Variants in IRAK1BP1 observed in about 807,000 individuals in gnomAD.
The protein encoded by IRAK1BP1 is interleukin-1 receptor-associated kinase 1-binding protein 1.
In IRAK1BP1, 24 loss-of-function variants were observed where a neutral mutation model predicts 28.0. The observed-to-expected ratio is 0.86, with a 90% CI of 0.62 to 1.20. The LOEUF is 1.20. Ranked by LOEUF, IRAK1BP1 falls within the 50% of genes most tolerant of loss-of-function variation. The pLI, the probability that IRAK1BP1 is intolerant of heterozygous loss-of-function variation, is 0.00. For synonymous variants in IRAK1BP1, 131 were observed against 116.3 expected (o/e 1.13, Z -0.81); for missense variants, 336 against 316.7 (o/e 1.06, Z -0.46).
At chr6:78,906,351 T>G (rs1772260165), downstream of IRAK1BP1, among the ~76,000 whole-genome samples, 2 of 152,184 alleles carry the variant, frequency 1.3e-5, no homozygotes, top group African/African-American at 4.8e-5. Flanking sequence ...GCTTCACTTT[T>G]CATGAGATAA....
downstream of IRAK1BP1, chr6:78,903,206 G>C (rs1772165530): frequency 1.6e-6 from 1 of 628,522 alleles, no homozygotes. Flanking sequence ...TAGGAGGCCA[G>C]GCATGGTGGC....
At chr6:78,976,093 C>A in the IRAK1BP1 span, among the ~76,000 whole-genome samples, 1 of 151,082 alleles carries the variant, frequency 6.6e-6, no homozygotes, top group Non-Finnish European at 1.5e-5. Flanking sequence ...AAGAACAAAG[C>A]TGGAGGCATC....
intron 1 of IRAK1BP1, among the ~76,000 whole-genome samples, chr6:78,876,469 A>C (rs1771007340): frequency 6.6e-6 from 1 of 152,210 alleles, no homozygotes; most frequent in South Asian, 2.1e-4. Flanking sequence ...TTTAGAAATA[A>C]ACAGTAGCTT....
intron 4 of IRAK1BP1, among the ~76,000 whole-genome samples, chr6:78,925,573 A>G (rs986236955): frequency 6.6e-6 from 1 of 152,156 alleles, no homozygotes; most frequent in Non-Finnish European, 1.5e-5. Flanking sequence ...GGAAACACTT[A>G]TACACTGCTG....
At chr6:78,959,180 A>G in the IRAK1BP1 span, among the ~76,000 whole-genome samples, 1,343 of 152,300 alleles carry the variant, frequency 8.8e-3, 21 homozygotes, top group African/African-American at 0.029. Context: ...CTGGAGTTTT[A>G]CAATTTTATT....
rs1344811183 is a variant in IRAK1BP1 at position 78,941,601 on chromosome 6, A to G, written c.*68-3807A>G. 2.6e-5 allele frequency among the ~76,000 whole-genome samples: 4 copies of G among 152,352 alleles called. No individual in the cohort carries two copies. The East Asian group carries it at 7.7e-4, about 29-fold the overall frequency. On this transcript the variant is annotated intron_variant and NMD_transcript_variant, in intron 4 of 4. Transcript: ENST00000606868. ...ATCTAAGTTAACATTGTGATTGAGT[A>G]TAAAGCTGGGATGACTAAAGGTTTC...
intron 1 of IRAK1BP1, chr6:78,871,240 T>C (rs1411831722): frequency 2.0e-6 from 2 of 984,108 alleles, no homozygotes; most frequent in South Asian, 4.7e-5. Flanking sequence ...AGGCATAAAA[T>C]GACCTCACAA....
downstream of IRAK1BP1, chr6:78,903,178 A>G (rs1772164726): frequency 3.5e-6 from 3 of 862,966 alleles, no homozygotes; most frequent in Middle Eastern, 2.2e-4. Context: ...TCTTTGCTAC[A>G]TAGGGTTTAA....
intron 4 of IRAK1BP1, among the ~76,000 whole-genome samples, chr6:78,926,658 T>C (rs1197224320): frequency 6.6e-6 from 1 of 152,262 alleles, no homozygotes; most frequent in African/African-American, 2.4e-5. Context: ...TTTCAATTTT[T>C]TTGTACCCCT....
chr6:78,892,757 T>C (rs1050828504), intron 2 of IRAK1BP1, among the ~76,000 whole-genome samples: 1 of 152,028 alleles, frequency 6.6e-6, no homozygotes, highest in Non-Finnish European at 1.5e-5. Flanking sequence ...TTTCCAAAGA[T>C]GAAAACTACA....
At chr6:78,955,409 T>C in the IRAK1BP1 span, 4 of 679,118 alleles carry the variant, frequency 5.9e-6, no homozygotes, top group South Asian at 7.3e-5. Flanking sequence ...GGGCACTTTA[T>C]TGACTCATTA....
At chr6:78,936,638 G>C (rs1773280325) in intron 4 of IRAK1BP1, 1 of 151,722 alleles carries the variant, frequency 6.6e-6, no homozygotes, top group South Asian at 2.1e-4. Flanking sequence ...TTTCAACACA[G>C]AGCTATCAAA....
the IRAK1BP1 span, among the ~76,000 whole-genome samples, chr6:78,962,374 A>G: frequency 6.6e-6 from 1 of 152,286 alleles, no homozygotes; most frequent in East Asian, 1.9e-4. Flanking sequence ...ATTCGCATAT[A>G]ATACTTAATA....
intron 4 of IRAK1BP1, among the ~76,000 whole-genome samples, chr6:78,930,364 C>T (rs1183901289): frequency 6.6e-6 from 1 of 152,146 alleles, no homozygotes; most frequent in Admixed American, 6.5e-5. Flanking sequence ...AGTATATATA[C>T]AGTTGTTTCT....
chr6:78,947,694 T>C (rs751404890), downstream of IRAK1BP1: 18 of 1,555,484 alleles, frequency 1.2e-5, no homozygotes, highest in African/African-American at 1.6e-4. Flanking sequence ...CATAACTCCA[T>C]TGGTGACTCA....
At chr6:78,947,456 T>C (rs1773888481), downstream of IRAK1BP1, among the ~76,000 whole-genome samples, 1 of 152,194 alleles carries the variant, frequency 6.6e-6, no homozygotes, top group Admixed American at 6.5e-5. Flanking sequence ...TGTTATTTCA[T>C]ACAAGGAGCT....
At chr6:78,885,073 A>G (rs1205086198) in intron 1 of IRAK1BP1, among the ~76,000 whole-genome samples, 1 of 152,106 alleles carries the variant, frequency 6.6e-6, no homozygotes, top group Non-Finnish European at 1.5e-5. Flanking sequence ...TTTGTTTTGC[A>G]GTGCAATTTT....
chr6:78,867,777 G>T lies in IRAK1BP1; in HGVS notation c.201G>T (p.Arg67=). The T allele has an allele frequency of 1.2e-6, 2 of 1,614,016 alleles. No homozygotes were observed. The highest frequency in any genetic ancestry group is 1.7e-6 in the Non-Finnish European group (2 of 1,179,970). Residue 67 remains arginine, a synonymous_variant, in exon 1 of 4, where the codon CGG becomes CGT. Transcript: ENST00000369940. Reference sequence around the variant, plus strand: ...CAGAAGTGTCTGCGGGCCCTGACCGGGCGCAGGTGGTGGTGCGAGTGAGCA... The same window carrying T: ...CAGAAGTGTCTGCGGGCCCTGACCGTGCGCAGGTGGTGGTGCGAGTGAGCA... The part of the protein sequence containing the change: ...GTSEVSAGPD[R]AQVVVRVSST...
At chr6:78,942,673 G>A (rs1057332098) in intron 4 of IRAK1BP1, among the ~76,000 whole-genome samples, 2 of 152,158 alleles carry the variant, frequency 1.3e-5, no homozygotes, top group Admixed American at 6.5e-5. Flanking sequence ...TGGAGCAACT[G>A]ACATTTAAAC....
Sources: allele counts gnomAD v4.1 joint callset (sites outside exome capture counted in the v4.1 genomes callset), GRCh38; gene constraint gnomAD v4.1.1; transcripts MANE v1.5; gene names NCBI Gene and HGNC (gene_info 2026-07-23, HGNC 2026-07-21).